Variants in EYS observed in about 807,000 individuals in gnomAD.
EYS encodes EGF-like photoreceptor maintenance factor.
In EYS, 250 loss-of-function variants were observed where a neutral mutation model predicts 282.1. The ratio of observed to expected loss-of-function variants is 0.89; its 90% CI spans 0.80 to 0.98. The LOEUF (loss-of-function observed/expected upper bound fraction) is 0.98, where lower values mean the gene tolerates loss of function less well. Ranked by LOEUF, EYS falls within the 50% of genes least tolerant of loss-of-function variation. The probability of loss-of-function intolerance (pLI) is 0.00; values close to 1 mark genes in which losing one functional copy is unlikely to be tolerated. For missense variants in EYS, 4,016 were observed against 3,709.0 expected (o/e 1.08, Z -2.15); for synonymous variants, 1,355 against 1,282.9 (o/e 1.06, Z -1.20).
chr6:65,432,256 T>C (rs1767915280), intron 5 of EYS, among the ~76,000 whole-genome samples: 1 of 152,142 alleles, frequency 6.6e-6, no homozygotes, highest in African/African-American at 2.4e-5. Flanking sequence ...AAAATTATTG[T>C]GTCAGATGCT....
intron 12 of EYS, among the ~76,000 whole-genome samples, chr6:65,262,861 AGTAACT>A (rs779746819): frequency 4.5e-4 from 69 of 152,272 alleles, no homozygotes; most frequent in Admixed American, 1.9e-3. Context: ...GACTCTATTC[AGTAACT>A]GTCCATCATA....
At chr6:63,968,668 T>A (rs979054756) in intron 35 of EYS, among the ~76,000 whole-genome samples, 1 of 152,162 alleles carries the variant, frequency 6.6e-6, no homozygotes, top group African/African-American at 2.4e-5. Flanking sequence ...TTTCAGAGGT[T>A]TCTCGAAACT....
At chr6:64,424,074 T>C (rs1774322396) in intron 28 of EYS, among the ~76,000 whole-genome samples, 1 of 152,186 alleles carries the variant, frequency 6.6e-6, no homozygotes, top group African/African-American at 2.4e-5. Flanking sequence ...GAGAAAGTTC[T>C]TCAATAATTA....
Position 65,691,918 on chromosome 6 carries a change from G to A in EYS, c.-448+15217C>T, listed in dbSNP as rs534416576. Among the ~76,000 whole-genome samples, 7 of 150,110 alleles carry A rather than the reference G, an allele frequency of 4.7e-5. 1 individual carries two copies. The highest frequency in any genetic ancestry group is 1.5e-4 in the African/African-American group (6 of 41,234). ...GATGTGTGGTGTTTCTGAGGCCTCC[G>A]TTAAGTTCCATTGGTCTATATATCT... On this transcript the variant is annotated intron_variant, in intron 1 of 42. Transcript: ENST00000503581.
intron 35 of EYS, among the ~76,000 whole-genome samples, chr6:63,884,794 T>C (rs752226592): frequency 3.9e-5 from 6 of 152,268 alleles, no homozygotes; most frequent in East Asian, 1.9e-4. Context: ...ATCTATACTA[T>C]GTAAATTCTT....
intron 23 of EYS, among the ~76,000 whole-genome samples, chr6:64,622,368 G>A (rs1321532056): frequency 6.7e-6 from 1 of 149,522 alleles, no homozygotes; most frequent in Non-Finnish European, 1.5e-5. Flanking sequence ...GACTGATTAT[G>A]ATACAAACTC....
At chr6:64,347,845 CCT>C (rs1771468189) in intron 29 of EYS, among the ~76,000 whole-genome samples, 1 of 151,256 alleles carries the variant, frequency 6.6e-6, no homozygotes, top group Non-Finnish European at 1.5e-5. Flanking sequence ...TAGCACTTCT[CCT>C]TCACTCTCAC....
At chr6:65,517,949 A>G (rs1320319231) in intron 2 of EYS, among the ~76,000 whole-genome samples, 3 of 152,080 alleles carry the variant, frequency 2.0e-5, no homozygotes, top group Non-Finnish European at 4.4e-5. Context: ...TGATGTTTAG[A>G]TAGAAAAAAT....
At chr6:64,384,818 A>G (rs1772858338) in intron 29 of EYS, among the ~76,000 whole-genome samples, 1 of 152,174 alleles carries the variant, frequency 6.6e-6, no homozygotes, top group Non-Finnish European at 1.5e-5. Flanking sequence ...TGTCTGTTTC[A>G]TTCTCTTCTC....
chr6:64,658,671 T>C (rs1469239875), intron 22 of EYS, among the ~76,000 whole-genome samples: 2 of 152,200 alleles, frequency 1.3e-5, no homozygotes, highest in Non-Finnish European at 1.5e-5. Context: ...GAACAGCGGA[T>C]ATTGGTGAGC....
At chr6:64,053,815 T>C (rs1770893140) in intron 33 of EYS, among the ~76,000 whole-genome samples, 1 of 152,166 alleles carries the variant, frequency 6.6e-6, no homozygotes, top group Admixed American at 6.6e-5. Context: ...TTTCCTTTTT[T>C]GCAACTTTTA....
At chr6:64,442,326 G>T (rs1320968800) in intron 26 of EYS, among the ~76,000 whole-genome samples, 2 of 152,170 alleles carry the variant, frequency 1.3e-5, no homozygotes, top group East Asian at 3.8e-4. Flanking sequence ...TTCAAGAGGT[G>T]ACTTGGGTGC....
At chr6:65,471,956 T>A (rs1765233239) in intron 5 of EYS, among the ~76,000 whole-genome samples, 1 of 152,068 alleles carries the variant, frequency 6.6e-6, no homozygotes, top group South Asian at 2.1e-4. Context: ...TTATGCTATG[T>A]TTTATAGTGT....
chr6:64,985,933 C>CTT (rs1429503979), intron 14 of EYS, among the ~76,000 whole-genome samples: 5 of 151,518 alleles, frequency 3.3e-5, no homozygotes, highest in African/African-American at 1.2e-4. Context: ...TACTCAGCTG[C>CTT]TTCTACTTAT....
chr6:65,078,895 C>A (rs1320148828), intron 12 of EYS, among the ~76,000 whole-genome samples: 1 of 151,344 alleles, frequency 6.6e-6, no homozygotes, highest in Admixed American at 6.6e-5. Flanking sequence ...ATGTGTGGAA[C>A]CTCCCCTCCC....
At chr6:64,433,267 CAAAAT>C (rs1277938108) in intron 28 of EYS, among the ~76,000 whole-genome samples, 2 of 151,890 alleles carry the variant, frequency 1.3e-5, no homozygotes, top group Non-Finnish European at 2.9e-5. Flanking sequence ...TCAACAATAA[CAAAAT>C]AAAAGAGGGT....
chr6:64,627,289 T>C (rs1767640465), intron 22 of EYS, among the ~76,000 whole-genome samples: 1 of 152,152 alleles, frequency 6.6e-6, no homozygotes, highest in African/African-American at 2.4e-5. Context: ...AGCATATAGA[T>C]AAATGTATTT....
At chr6:64,508,062 T>G (rs1467923119) in intron 26 of EYS, among the ~76,000 whole-genome samples, 1 of 152,162 alleles carries the variant, frequency 6.6e-6, no homozygotes, top group African/African-American at 2.4e-5. Flanking sequence ...ATTGTGAATG[T>G]TTGCATATTT....
At chr6:64,120,815 A>G (rs539479800) in intron 31 of EYS, among the ~76,000 whole-genome samples, 14 of 152,336 alleles carry the variant, frequency 9.2e-5, no homozygotes, top group Admixed American at 2.0e-4. Context: ...TTAGTGACTT[A>G]AAATGACACA....
Sources: gnomAD v4.1 joint callset for allele counts (sites outside exome capture counted in the v4.1 genomes callset) on GRCh38, gnomAD v4.1.1 for gene constraint, MANE v1.5 for transcripts, NCBI Gene and HGNC (gene_info 2026-07-23, HGNC 2026-07-21) for gene names.